LRP6: variants seen among roughly 807,000 people sequenced by gnomAD.
LRP6 encodes LDL receptor related protein 6.
A neutral mutation model predicts 184.1 loss-of-function variants in LRP6; 43 were observed. That is an observed-to-expected ratio of 0.23 (90% CI 0.18 to 0.30). The LOEUF is 0.30. Among genes scored for constraint, LRP6 ranks in the 10% least tolerant of loss-of-function variants. The pLI, the probability that LRP6 is intolerant of heterozygous loss-of-function variation, is 1.00. For synonymous variants in LRP6, 719 were observed against 684.9 expected (o/e 1.05, Z -0.78); for missense variants, 1,571 against 2,005.3 (o/e 0.78, Z 4.14).
intron 1 of LRP6, among the ~76,000 whole-genome samples, chr12:12,247,331 T>C (rs1033727228): frequency 3.9e-5 from 6 of 152,202 alleles, no homozygotes. Context: ...ATCAAAGCTA[T>C]AGGACATTAG....
chr12:12,243,638 A>G (rs1415424304), intron 2 of LRP6, among the ~76,000 whole-genome samples: 1 of 152,226 alleles, frequency 6.6e-6, no homozygotes, highest in Non-Finnish European at 1.5e-5. Flanking sequence ...CACACTGGGC[A>G]CAGTGGCTCA....
At chr12:12,158,147 A>C (rs1045432953) in intron 12 of LRP6, among the ~76,000 whole-genome samples, 4 of 152,100 alleles carry the variant, frequency 2.6e-5, no homozygotes, top group African/African-American at 9.7e-5. Context: ...ATGGCCTGTT[A>C]AACATTTAAA....
intron 1 of LRP6, among the ~76,000 whole-genome samples, chr12:12,265,218 G>A (rs570440006): frequency 1.3e-5 from 2 of 151,918 alleles, no homozygotes; most frequent in East Asian, 1.9e-4. Flanking sequence ...AATAAAATAA[G>A]TATATACTTA....
chr12:12,249,097 T>C, intron 1 of LRP6: 1 of 705,724 alleles, frequency 1.4e-6, no homozygotes, highest in Non-Finnish European at 2.6e-6. Context: ...AGCTGAGGTC[T>C]AGACAATGAT....
chr12:12,175,411 C>T (rs555448232), intron 7 of LRP6, among the ~76,000 whole-genome samples: 2 of 146,536 alleles, frequency 1.4e-5, no homozygotes, highest in South Asian at 2.2e-4. Flanking sequence ...TAAAAAAGGC[C>T]GGGCACAGTA....
rs766074653 is a variant in LRP6 at position 12,244,326 on chromosome 12, G to T, written c.385C>A (p.Arg129=). The change falls in exon 2 of 23, where the codon CGA becomes AGA. Residue 129 remains arginine (R), a synonymous_variant. Coordinates refer to ENST00000261349, the MANE Select transcript of LRP6 (RefSeq NM_002336.3). ...IEVSNLDGSL[R]KVLFWQELDQ... is the part of the protein sequence containing the mutation. The stretch of plus-strand genomic sequence containing the variant: ...AACTCTTGCCAAAATAAAACTTTTC[G>T]TAAAGATCCATCTAAATTAGAAACT... The T allele has an allele frequency of 1.4e-5, 23 of 1,613,922 alleles. No individual in the cohort carries two copies. The highest frequency in any genetic ancestry group is 1.9e-5 in the Non-Finnish European group (22 of 1,180,004).
intron 22 of LRP6, 105 bp downstream of exon 22, chr12:12,124,460 C>G (rs1949645507): frequency 1.3e-6 from 1 of 793,320 alleles, no homozygotes; most frequent in Non-Finnish European, 2.3e-6. Context: ...GATGACTAGT[C>G]TCTCTCTGGT....
At chr12:12,258,687 G>C (rs746883855) in intron 1 of LRP6, among the ~76,000 whole-genome samples, 1 of 152,180 alleles carries the variant, frequency 6.6e-6, no homozygotes. Context: ...GTGTAGCTAA[G>C]AATTCATGGT....
At chr12:12,176,205 A>AG (rs577807066) in intron 7 of LRP6, among the ~76,000 whole-genome samples, 13 of 152,104 alleles carry the variant, frequency 8.5e-5, no homozygotes, top group Middle Eastern at 3.2e-3. Context: ...AAAAATCAGG[A>AG]GGGGGGGTGG....
At chr12:12,151,395 G>A (rs150556428) in intron 12 of LRP6, among the ~76,000 whole-genome samples, 107 of 151,862 alleles carry the variant, frequency 7.0e-4, no homozygotes, top group African/African-American at 2.5e-3. Flanking sequence ...TGTCTGGTGG[G>A]TGGCAGGAAG....
In LRP6 at chr12:12,121,438, TAA is replaced by T. The variant is rs1949604969; in HGVS notation, c.4548-20_4548-19del. On this transcript the variant is annotated intron_variant, in intron 22 of 22. Coordinates refer to ENST00000261349, the MANE Select transcript of LRP6 (RefSeq NM_002336.3). ...GCCTGTAGCTGGTATAGGGAGAAAA[TAA>T]AGAGAAGCAGTTAGTTTTACAAAAA... 1.2e-6 allele frequency: 2 copies of T among 1,611,908 alleles called. No homozygotes were observed. Among genetic ancestry groups the T allele is most frequent in the African/African-American group, 2.7e-5 (2 of 74,590 alleles).
At position 12,119,988 on chromosome 12, in the gene LRP6, A is replaced by ATATAT. The variant is rs1949574963; in HGVS notation, c.*1137_*1138insATATA. 1 of 97,040 alleles carries ATATAT rather than the reference A, an allele frequency of 1.0e-5. No homozygotes were observed. Among genetic ancestry groups the ATATAT allele is most frequent in the Non-Finnish European group, 2.1e-5 (1 of 48,552 alleles). 6.0% of individuals were successfully genotyped at this position (97,040 alleles called of 1,614,324 possible). On this transcript the variant is annotated 3_prime_UTR_variant, in exon 23 of 23. Coordinates refer to ENST00000261349, the MANE Select transcript of LRP6 (RefSeq NM_002336.3). ...TTACTCAGAAAACAAACAAACAAAC[A>ATATAT]AAATATATATATATATATATATATA... is the stretch of plus-strand genomic sequence containing the variant.
At chr12:12,164,919 TAAAAAAAAAAAAAAAAAAAAAAAAA>T (rs58540250) in intron 8 of LRP6, among the ~76,000 whole-genome samples, 135 bp downstream of exon 8, 1 of 57,076 alleles carries the variant, frequency 1.8e-5, no homozygotes, top group Non-Finnish European at 3.6e-5. Context: ...CCCTTCTCAG[TAAAAAAAAAAAAAAAAAAAAAAAAA>T]AAAAAAAAAA....
chr12:12,208,641 C>T (rs1031024602), intron 2 of LRP6, among the ~76,000 whole-genome samples: 2 of 152,110 alleles, frequency 1.3e-5, no homozygotes, highest in Non-Finnish European at 2.9e-5. Flanking sequence ...GCACATTGCA[C>T]GTATTCTTTT....
At chr12:12,203,533 G>T in intron 2 of LRP6, 133 bp from the exon 3 acceptor site, 3 of 724,944 alleles carry the variant, frequency 4.1e-6, no homozygotes, top group Non-Finnish European at 7.0e-6. Flanking sequence ...CTGGGAGGCT[G>T]AGGCAGGCAA....
intron 1 of LRP6, among the ~76,000 whole-genome samples, chr12:12,253,094 T>A (rs1048000086): frequency 2.0e-5 from 3 of 152,086 alleles, no homozygotes; most frequent in African/African-American, 7.2e-5. Context: ...CGAAACCCTG[T>A]CTCTACCAAA....
intron 6 of LRP6, 37 bp downstream of exon 6, chr12:12,181,006 A>C (rs748867938): frequency 1.2e-6 from 2 of 1,612,784 alleles, no homozygotes; most frequent in Non-Finnish European, 1.7e-6. Context: ...AAAAACAGAA[A>C]CACCACACAG....
intron 2 of LRP6, among the ~76,000 whole-genome samples, chr12:12,220,599 GT>G (rs113682151): frequency 0.59 from 76,406 of 129,908 alleles, 20,432 homozygotes; most frequent in East Asian, 0.72. Flanking sequence ...ATTTTTCTTA[GT>G]TTTTTTTTTT....
chr12:12,162,389 C>T lies in LRP6; in HGVS notation c.2083G>A (p.Ala695Thr), dbSNP rs777354170. Residue 695 changes from alanine (A) to threonine (T), a missense_variant, in exon 10 of 23, where the codon GCA (alanine) becomes ACA (threonine). Ala to Thr is a moderately conservative substitution (Grantham distance 58). This residue lies in a region of LRP6 where 10 missense variants were observed against 35.5 expected (regional missense o/e 0.28). Transcript: ENST00000261349. The part of the protein sequence containing the change: ...TISRAFMNGS[A>T]LEHVVEFGLD... ...CCGAATTCTACCACATGTTCCAGTG[C>T]ACTGCCATTCATAAAGGCTCTGCTG... The T allele has an allele frequency of 2.5e-6, 4 of 1,614,178 alleles. No homozygotes were observed. The highest frequency in any genetic ancestry group is 3.4e-6 in the Non-Finnish European group (4 of 1,180,006).
Sources: allele counts gnomAD v4.1 joint callset (sites outside exome capture counted in the v4.1 genomes callset), GRCh38; gene constraint gnomAD v4.1.1; regional missense constraint gnomAD v4.1.1; transcripts MANE v1.5; gene names NCBI Gene and HGNC (gene_info 2026-07-23, HGNC 2026-07-21).